The following PALS2 variants were observed in gnomAD, a reference collection of about 807,000 sequenced individuals.
The protein encoded by PALS2 is protein PALS2.
In PALS2, 27 loss-of-function variants were observed where a neutral mutation model predicts 61.6. That is an observed-to-expected ratio of 0.44 (90% CI 0.32 to 0.60). PALS2 has a LOEUF of 0.60. PALS2 is among the 20% of genes least tolerant of loss of function. The probability of loss-of-function intolerance (pLI) is 0.05; values close to 1 mark genes in which losing one functional copy is unlikely to be tolerated. For synonymous variants in PALS2, 236 were observed against 218.6 expected, an observed-to-expected ratio of 1.08 and a Z score of -0.70; for missense variants, 554 against 639.4, an observed-to-expected ratio of 0.87 and a Z score of 1.44.
chr7:24,668,414 C>A, intron 8 of PALS2, 85 bp from the exon 9 acceptor site: 1 of 1,287,100 alleles, frequency 7.8e-7, no homozygotes, highest in Non-Finnish European at 1.1e-6. Flanking sequence ...ATCAAGACAG[C>A]TAAGCCATTA....
rs931459271 is a variant in PALS2, at chr7:24,692,535, A to C, written c.*4921A>C. 6.6e-6 allele frequency: 1 copy of C among 152,164 alleles called. No homozygotes were observed. The highest frequency in any genetic ancestry group is 2.4e-5 in the African/African-American group (1 of 41,452). 9.4% of individuals were successfully genotyped at this position (152,164 alleles called of 1,614,324 possible). A position where few individuals can be genotyped will look rare whatever the true frequency, so the allele number is the denominator to read the frequency against. On this transcript the variant is annotated 3_prime_UTR_variant, in exon 12 of 12. Transcript: ENST00000222644. ...TTTAAAGTGTACCTGTTTCTGAAGT[A>C]ATGTAGTGAATGGTGAATACTTTTC...
rs1784390634 is a variant in PALS2 at position 24,618,918 on chromosome 7, CACTT to C, written c.-2-4745_-2-4742del. Among the ~76,000 whole-genome samples the C allele has an allele frequency of 6.6e-6, 1 of 152,228 alleles. No homozygotes were observed. The highest frequency in any genetic ancestry group is 2.4e-5 in the African/African-American group (1 of 41,454). On this transcript the variant is annotated intron_variant, in intron 1 of 11. Transcript: ENST00000222644. The surrounding 1 kb of genome is among the most constrained non-coding windows in gnomAD (Gnocchi z 5.1). Reference sequence around the variant, plus strand: ...TTGAAGCGGAGGAATGTGCACCAGACACTTACCGTCAGCCATCTTACTGACATCA... The same window carrying C: ...TTGAAGCGGAGGAATGTGCACCAGACACCGTCAGCCATCTTACTGACATCA...
At chr7:24,633,225 T>G (rs1785079949) in intron 2 of PALS2, among the ~76,000 whole-genome samples, 1 of 152,130 alleles carries the variant, frequency 6.6e-6, no homozygotes, top group Non-Finnish European at 1.5e-5. Flanking sequence ...GATGAATGTC[T>G]TTTAACATTT....
intron 1 of PALS2, among the ~76,000 whole-genome samples, chr7:24,604,224 A>G (rs1324780717): frequency 2.1e-5 from 3 of 139,712 alleles, no homozygotes; most frequent in Non-Finnish European, 4.6e-5. Flanking sequence ...GAAAAGAAAA[A>G]AAAAAAAAAA....
chr7:24,627,841 T>G (rs1320338131), intron 2 of PALS2, among the ~76,000 whole-genome samples: 5 of 152,190 alleles, frequency 3.3e-5, no homozygotes, highest in Non-Finnish European at 5.9e-5. Context: ...AATCCCTGAA[T>G]AGACCACTAA....
At chr7:24,668,864 G>C (rs986593096) in intron 9 of PALS2, among the ~76,000 whole-genome samples, 2 of 152,220 alleles carry the variant, frequency 1.3e-5, no homozygotes, top group Admixed American at 6.5e-5. Context: ...TTGGCTTGCT[G>C]TCTGGTGGCA....
At chr7:24,650,350 G>A in intron 4 of PALS2, 135 bp from the exon 5 acceptor site, 1 of 729,894 alleles carries the variant, frequency 1.4e-6, no homozygotes, top group Non-Finnish European at 2.2e-6. Context: ...GAAATATTGA[G>A]ACAGGAGAGA....
rs892326135 is a variant in PALS2, at chr7:24,692,839, T to C, written c.*5225T>C. ...ACCTGAAATCACTGCATACCTGAAA[T>C]CACTGCAGCCCTACTGTTTTACCCA... is the stretch of plus-strand genomic sequence containing the variant. On this transcript the variant is annotated 3_prime_UTR_variant, in exon 12 of 12. Transcript: ENST00000222644. 1 of 152,162 alleles carries C rather than the reference T, an allele frequency of 6.6e-6. No individual in the cohort carries two copies. Among genetic ancestry groups the C allele is most frequent in the Non-Finnish European group, 1.5e-5 (1 of 68,020 alleles). 9.4% of individuals were successfully genotyped at this position (152,162 alleles called of 1,614,324 possible). A position where few individuals can be genotyped will look rare whatever the true frequency, so the allele number is the denominator to read the frequency against.
intron 1 of PALS2, among the ~76,000 whole-genome samples, chr7:24,584,994 A>G (rs1425439681): frequency 4.0e-5 from 6 of 151,630 alleles, no homozygotes; most frequent in Non-Finnish European, 1.5e-5. Flanking sequence ...ATTATTTCTG[A>G]GGGCTCTGTT....
intron 1 of PALS2, among the ~76,000 whole-genome samples, chr7:24,597,487 T>G (rs990158033): frequency 6.6e-5 from 10 of 152,154 alleles, no homozygotes; most frequent in African/African-American, 1.9e-4. Context: ...AGGAGAGAGA[T>G]AAGGCTGTGA....
chr7:24,654,160 A>G (rs889874738), intron 5 of PALS2, among the ~76,000 whole-genome samples: 1 of 152,030 alleles, frequency 6.6e-6, no homozygotes, highest in Non-Finnish European at 1.5e-5. Flanking sequence ...TTTATTGGCA[A>G]TTAATTAGCC....
chr7:24,668,507 C>G lies in PALS2; in HGVS notation c.961C>G (p.Arg321Gly). 1 of 1,609,576 alleles carries G rather than the reference C, an allele frequency of 6.2e-7. No homozygotes were observed. Among genetic ancestry groups the G allele is most frequent in the Non-Finnish European group, 8.5e-7 (1 of 1,178,194 alleles). The part of the protein sequence containing the change: ...YLTTRNAEFD[R>G]HEIQIYEEVA... ...TTTCCTTTTTCATTTAGAATTTGAT[C>G]GTCATGAAATCCAGATATATGAGGA... is the stretch of plus-strand genomic sequence containing the variant. The change falls in exon 9 of 12, where the codon CGT becomes GGT. Residue 321 changes from arginine to glycine, a missense_variant. Arg to Gly is a moderately radical substitution (Grantham distance 125). Coordinates refer to ENST00000222644, the MANE Select transcript of PALS2 (RefSeq NM_001303037.2).
At chr7:24,591,950 C>G (rs1388263646) in intron 1 of PALS2, among the ~76,000 whole-genome samples, 1 of 151,536 alleles carries the variant, frequency 6.6e-6, no homozygotes, top group African/African-American at 2.4e-5. Flanking sequence ...GATTGGGGAC[C>G]ATTTTGTGAA....
In PALS2 at chr7:24,595,460, TA is replaced by T. The variant is rs1448873216; in HGVS notation, c.-3+21870del. On this transcript the variant is annotated intron_variant, in intron 1 of 11. Transcript: ENST00000222644. ...TAAAATACATAATATATAATATATA[TA>T]AATATATATAAATATGTAAATATAT... Among the ~76,000 whole-genome samples, 8 of 137,224 alleles carry T rather than the reference TA, an allele frequency of 5.8e-5. No homozygotes were observed. The East Asian group carries it at 9.9e-4, about 17-fold the overall frequency. 90.0% of individuals were successfully genotyped at this position (137,224 alleles called of 152,430 possible).
intron 5 of PALS2, among the ~76,000 whole-genome samples, chr7:24,660,095 A>G (rs1359751976): frequency 6.6e-6 from 1 of 152,168 alleles, no homozygotes; most frequent in Non-Finnish European, 1.5e-5. Context: ...GATCTCGGAC[A>G]TCTTGAAAGA....
chr7:24,580,290 A>G (rs1000824924), intron 1 of PALS2, among the ~76,000 whole-genome samples: 11 of 152,160 alleles, frequency 7.2e-5, no homozygotes, highest in African/African-American at 2.7e-4. Context: ...ACGCTAAAGG[A>G]TTCTAATTTA....
At chr7:24,681,661 C>A (rs1787939557) in intron 11 of PALS2, among the ~76,000 whole-genome samples, 12 of 151,878 alleles carry the variant, frequency 7.9e-5, no homozygotes. Flanking sequence ...TAAGCTGTGC[C>A]TACCTAACAT....
intron 5 of PALS2, among the ~76,000 whole-genome samples, chr7:24,656,697 AT>A (rs11319691): frequency 0.024 from 3,578 of 151,448 alleles, 163 homozygotes; most frequent in African/African-American, 0.083. Context: ...TAATATTTGT[AT>A]TTTTTCTTTT....
rs371773288 is a variant in PALS2, at chr7:24,623,306, TTC to T, written c.-2-358_-2-357del. Among the ~76,000 whole-genome samples, 785 of 152,020 alleles carry T rather than the reference TTC, an allele frequency of 5.2e-3. 6 individuals are homozygous for T. The highest frequency in any genetic ancestry group is 0.017 in the African/African-American group (717 of 41,516). Reference sequence around the variant, plus strand: ...GGCTGGTTCTGAGCTTGTGGGAAGTTTCTGATTCCTAAATTAGACTTTTTCCT... The same window carrying T: ...GGCTGGTTCTGAGCTTGTGGGAAGTTTGATTCCTAAATTAGACTTTTTCCT... On this transcript the variant is annotated intron_variant, in intron 1 of 11. Transcript: ENST00000222644.
Sources: allele counts gnomAD v4.1 joint callset (sites outside exome capture counted in the v4.1 genomes callset), GRCh38; gene constraint gnomAD v4.1.1; non-coding constraint Gnocchi (gnomAD v3.1); transcripts MANE v1.5; gene names NCBI Gene and HGNC (gene_info 2026-07-23, HGNC 2026-07-21).